Variants in PCDHGB2 observed in about 807,000 individuals in gnomAD.
The protein encoded by PCDHGB2 is protocadherin gamma subfamily B, 2.
Under a neutral mutation model 59.3 loss-of-function variants are expected in PCDHGB2, and 55 were observed. The ratio of observed to expected loss-of-function variants is 0.93; its 90% CI spans 0.75 to 1.16. PCDHGB2 has a LOEUF of 1.16. Ranked by LOEUF, PCDHGB2 falls within the 50% of genes most tolerant of loss-of-function variation. PCDHGB2 has a pLI of 0.00. For missense variants in PCDHGB2, 1,228 were observed against 1,198.5 expected (o/e 1.02, Z -0.36); for synonymous variants, 516 against 512.0 (o/e 1.01, Z -0.11).
At position 141,510,965 on chromosome 5, in the gene PCDHGB2, C is replaced by T. The variant is rs1473736492; in HGVS notation, c.2588C>T (p.Ser863Phe). The T allele has an allele frequency of 3.1e-6, 5 of 1,614,026 alleles. No homozygotes were observed. The highest frequency in any genetic ancestry group is 4.2e-6 in the Non-Finnish European group (5 of 1,180,020). The change falls in exon 4 of 4, where the codon TCC becomes TTC. Residue 863 changes from serine (S) to phenylalanine (F), a missense_variant. Around this residue, in one of 3 missense-constraint regions of PCDHGB2, gnomAD observed 433 missense variants for 441.8 expected, o/e 0.98. Transcript: ENST00000522605. ...TCTGCAGAAGCTGCTGATGGGAGCT[C>T]CACCCTGGGAGGGGGTGCCGGCACC... ...ASASEAADGS[S>F]TLGGGAGTMG...
chr5:141,491,945 C>T lies in PCDHGB2; in HGVS notation c.2422-2862C>T. ...GAGGGGAGGTGGGACCGACCCCCAC[C>T]CCTACACTCAAAAAAGGCCGGGGCC... On this transcript the variant is annotated intron_variant, in intron 1 of 3. Coordinates refer to ENST00000522605, the MANE Select transcript of PCDHGB2 (RefSeq NM_018923.3). The surrounding 1 kb of genome is among the most constrained non-coding windows in gnomAD (Gnocchi z 6.9). 1.8e-6 allele frequency: 2 copies of T among 1,116,616 alleles called. No individual in the cohort carries two copies. 69.2% of individuals were successfully genotyped at this position (1,116,616 alleles called of 1,614,324 possible). A position where few individuals can be genotyped will look rare whatever the true frequency, so the allele number is the denominator to read the frequency against.
Position 141,486,032 on chromosome 5 carries a change from G to C in PCDHGB2, c.2422-8775G>C, listed in dbSNP as rs560909128. The C allele has an allele frequency of 1.2e-6, 2 of 1,614,166 alleles. No individual in the cohort carries two copies. Among genetic ancestry groups the C allele is most frequent in the African/African-American group, 2.7e-5 (2 of 75,034 alleles). On this transcript the variant is annotated intron_variant, in intron 1 of 3. Transcript: ENST00000522605. This position sits in a 1 kb window ranked among gnomAD's most constrained non-coding sequence, Gnocchi z 5.0. ...CTTTTATTTCAGTGGTCATACCCCT[G>C]ATCGTGTAAGAAACCTCTTTAGCCT... is the stretch of plus-strand genomic sequence containing the variant.
chr5:141,501,290 TACACACACACACACACACAC>T (rs55762287), intron 2 of PCDHGB2, among the ~76,000 whole-genome samples: 1 of 136,162 alleles, frequency 7.3e-6, no homozygotes, highest in Non-Finnish European at 1.6e-5. Flanking sequence ...TATTCCCTTA[TACACACACACACACACACAC>T]ACACACACAC....
At position 141,486,169 on chromosome 5, in the gene PCDHGB2, A is replaced by G. The variant is rs2099625537; in HGVS notation, c.2422-8638A>G. The G allele has an allele frequency of 1.2e-6, 2 of 1,614,088 alleles. No individual in the cohort carries two copies. Among genetic ancestry groups the G allele is most frequent in the East Asian group, 2.2e-5 (1 of 44,890 alleles). On this transcript the variant is annotated intron_variant, in intron 1 of 3. Transcript: ENST00000522605. The surrounding 1 kb of genome is among the most constrained non-coding windows in gnomAD (Gnocchi z 5.0). ...ATGGGGGTTCTCCAGCCATGGAGCA[A>G]CATTGCAGCCTTCGAGTGGATCTGC...
chr5:141,385,991 T>C (rs1044328038), intron 1 of PCDHGB2: 1 of 152,222 alleles, frequency 6.6e-6, no homozygotes, highest in East Asian at 1.9e-4. Context: ...ATATGTCAAA[T>C]AAAATGTCAT....
intron 1 of PCDHGB2, among the ~76,000 whole-genome samples, chr5:141,482,530 CAAAA>C (rs3074545): frequency 9.1e-5 from 7 of 76,540 alleles, no homozygotes; most frequent in South Asian, 4.6e-4. Flanking sequence ...GACAGACATG[CAAAA>C]AAAAAAAAAA....
chr5:141,481,913 CAAAAAAAA>C (rs34114744), intron 1 of PCDHGB2, among the ~76,000 whole-genome samples: 1 of 90,852 alleles, frequency 1.1e-5, no homozygotes, highest in African/African-American at 4.2e-5. Flanking sequence ...AACTCCATCT[CAAAAAAAA>C]AAAAAAAAAA....
At chr5:141,492,070 G>T (rs1408035481) in intron 1 of PCDHGB2, 1 of 477,946 alleles carries the variant, frequency 2.1e-6, no homozygotes. Context: ...CCTCCTAGGC[G>T]CCGGCTCCGG....
At chr5:141,364,599 T>C in intron 1 of PCDHGB2, 4 of 1,614,178 alleles carry the variant, frequency 2.5e-6, no homozygotes, top group South Asian at 1.1e-5. Context: ...GCGGGCAGGA[T>C]AGACCGGGAG....
At chr5:141,385,312 C>T (rs1781113045) in intron 1 of PCDHGB2, 1 of 1,611,422 alleles carries the variant, frequency 6.2e-7, no homozygotes, top group African/African-American at 1.3e-5. Context: ...AGAAAACCTG[C>T]CAAGTATTCA....
At chr5:141,509,344 T>A (rs2099876374) in intron 3 of PCDHGB2, among the ~76,000 whole-genome samples, 1 of 152,202 alleles carries the variant, frequency 6.6e-6, no homozygotes, top group Admixed American at 6.5e-5. Flanking sequence ...GGGCCTGGGC[T>A]GGCCTGGGCA....
intron 1 of PCDHGB2, among the ~76,000 whole-genome samples, chr5:141,458,809 T>G (rs2098953834): frequency 6.6e-6 from 1 of 152,190 alleles, no homozygotes; most frequent in Non-Finnish European, 1.5e-5. Flanking sequence ...CTCAGCTCAC[T>G]GCAACCTCTG....
intron 1 of PCDHGB2, chr5:141,428,270 C>T (rs1353416356): frequency 1.3e-6 from 1 of 778,952 alleles, no homozygotes. Flanking sequence ...AGTCCTGTGC[C>T]CTCTGATTCC....
chr5:141,432,088 AGACACCAAC>A lies in PCDHGB2; in HGVS notation c.2422-62714_2422-62706del, dbSNP rs1561857611. 6.2e-7 allele frequency: 1 copy of A among 1,614,148 alleles called. No individual in the cohort carries two copies. Among genetic ancestry groups the A allele is most frequent in the Admixed American group, 1.7e-5 (1 of 60,024 alleles). ...AAACTCATATCTCGCTGAACGTGGC[AGACACCAAC>A]GACAACCCGCCGGTCTTCCCTCAGG... is the stretch of plus-strand genomic sequence containing the variant. On this transcript the variant is annotated intron_variant, in intron 1 of 3. Transcript: ENST00000522605. This position sits in a 1 kb window ranked among gnomAD's most constrained non-coding sequence, Gnocchi z 6.0.
At chr5:141,441,554 G>T (rs3805698) in intron 1 of PCDHGB2, 21,236 of 192,824 alleles carry the variant, frequency 0.11, 1,386 homozygotes, top group African/African-American at 0.18. Flanking sequence ...TCCATAGTGT[G>T]CAAGTAGACA....
Position 141,360,540 on chromosome 5 carries a change from GA to G in PCDHGB2, c.406del (p.Thr136LeufsTer5), listed in dbSNP as rs760797244. On this transcript the variant is annotated frameshift_variant, in exon 1 of 4. Transcript: ENST00000522605. LOFTEE classifies it high-confidence loss of function. ...ATGATAATACCCCGCTATTCAAACAGACTAAGATTAATTTAAAAATTGGCGA... is the reference window on the plus strand; with the variant it reads ...ATGATAATACCCCGCTATTCAAACAGCTAAGATTAATTTAAAAATTGGCGA... Reference protein sequence around the residue: ...INDNTPLFKQTKINLKIGEST... With the variant: ...INDNTPLFKQXKINLKIGEST... 3.1e-6 allele frequency: 5 copies of G among 1,613,812 alleles called. No homozygotes were observed. In the African/African-American group the frequency reaches 6.7e-5, roughly 22 times the overall value.
Position 141,388,955 on chromosome 5 carries a change from C to T in PCDHGB2, c.2421+26399C>T, listed in dbSNP as rs183330174. ...CTCTACCCAACCTAATTATGGAGGA[C>T]GCCGAGCTGGGAACACATATTGCTT... On this transcript the variant is annotated intron_variant, in intron 1 of 3. Transcript: ENST00000522605. 126 of 1,613,914 alleles carry T rather than the reference C, an allele frequency of 7.8e-5. 1 individual carries two copies. In the African/African-American group the frequency reaches 1.3e-3, roughly 17 times the overall value.
intron 1 of PCDHGB2, chr5:141,375,735 T>C: frequency 6.2e-7 from 1 of 1,614,254 alleles, no homozygotes; most frequent in Non-Finnish European, 8.5e-7. Context: ...CTGAGCCTGT[T>C]TGTGCTGGAC....
rs1222348421 is a variant in PCDHGB2, at chr5:141,511,044, C to T, written c.2667C>T (p.Asp889=). 1 of 1,614,128 alleles carries T rather than the reference C, an allele frequency of 6.2e-7. No homozygotes were observed. The highest frequency in any genetic ancestry group is 1.3e-5 in the African/African-American group (1 of 74,940). ...GPQFTLQHVP[D]YRQNVYIPGS... is the part of the protein sequence containing the mutation. ...AGTTCACCCTGCAGCACGTGCCCGA[C>T]TACCGCCAGAATGTCTACATCCCAG... The change falls in exon 4 of 4, where the codon GAC becomes GAT. Residue 889 remains aspartate, a synonymous_variant. Coordinates refer to ENST00000522605, the MANE Select transcript of PCDHGB2 (RefSeq NM_018923.3).
Sources: gnomAD v4.1 joint callset for allele counts (sites outside exome capture counted in the v4.1 genomes callset) on GRCh38, gnomAD v4.1.1 for gene constraint, gnomAD v4.1.1 regional missense constraint, Gnocchi (gnomAD v3.1) non-coding constraint, MANE v1.5 for transcripts, NCBI Gene and HGNC (gene_info 2026-07-23, HGNC 2026-07-21) for gene names.